SMYD3: variants seen among roughly 807,000 people sequenced by gnomAD.
SMYD3 encodes SET and MYND domain containing 3, also known as histone-lysine N-methyltransferase SMYD3.
In SMYD3, 36 loss-of-function variants were observed where a neutral mutation model predicts 57.7. The observed-to-expected ratio is 0.62, with a 90% CI of 0.48 to 0.82. The LOEUF (loss-of-function observed/expected upper bound fraction) is 0.82. Among genes scored for constraint, SMYD3 ranks in the 40% least tolerant of loss-of-function variants. SMYD3 has a pLI of 0.00. For missense variants in SMYD3, 515 were observed against 538.8 expected, an observed-to-expected ratio of 0.96 and a Z score of 0.44; for synonymous variants, 211 against 195.0, an observed-to-expected ratio of 1.08 and a Z score of -0.68.
intron 1 of SMYD3, among the ~76,000 whole-genome samples, chr1:246,361,345 G>T (rs892267885): frequency 2.0e-5 from 3 of 152,158 alleles, no homozygotes; most frequent in Admixed American, 6.5e-5. Flanking sequence ...TTACACTGTT[G>T]GTGGGAATGT....
intron 5 of SMYD3, among the ~76,000 whole-genome samples, chr1:246,324,416 CAAAAAAAAAAAA>C (rs897518368): frequency 7.0e-5 from 3 of 42,620 alleles, no homozygotes; most frequent in Admixed American, 2.6e-4. Context: ...AACTCCATCT[CAAAAAAAAAAAA>C]AAAAAAAAAA....
intron 5 of SMYD3, among the ~76,000 whole-genome samples, chr1:246,129,761 T>A (rs977011857): frequency 1.3e-5 from 2 of 152,188 alleles, no homozygotes; most frequent in African/African-American, 4.8e-5. Flanking sequence ...TTGAGAAAGT[T>A]CTGAACACAT....
chr1:246,008,609 AG>A (rs1468307441), intron 5 of SMYD3, among the ~76,000 whole-genome samples: 1 of 152,226 alleles, frequency 6.6e-6, no homozygotes, highest in Non-Finnish European at 1.5e-5. Flanking sequence ...CTTGGGGAGT[AG>A]CCGTACCTCT....
intron 5 of SMYD3, among the ~76,000 whole-genome samples, chr1:246,074,544 AC>A (rs1413086172): frequency 6.6e-6 from 1 of 152,220 alleles, no homozygotes; most frequent in African/African-American, 2.4e-5. Context: ...GCAGACAGAA[AC>A]TGGAAGGGAG....
At chr1:246,277,744 A>G (rs76285151) in intron 5 of SMYD3, among the ~76,000 whole-genome samples, 3,783 of 152,322 alleles carry the variant, frequency 0.025, 156 homozygotes, top group African/African-American at 0.086. Flanking sequence ...CCTCAGAATC[A>G]TTATGCTAAG....
chr1:245,926,319 G>A (rs1039684028), intron 7 of SMYD3, among the ~76,000 whole-genome samples: 29 of 152,242 alleles, frequency 1.9e-4, no homozygotes, highest in African/African-American at 6.5e-4. Context: ...GGACAGAAAC[G>A]ATGATGAATC....
intron 1 of SMYD3, among the ~76,000 whole-genome samples, chr1:246,409,448 C>G (rs2066924943): frequency 6.6e-6 from 1 of 152,186 alleles, no homozygotes; most frequent in East Asian, 1.9e-4. Context: ...TTCCCCATTT[C>G]TTCTTTTTGT....
At chr1:246,354,268 G>A (rs1487378991) in intron 2 of SMYD3, among the ~76,000 whole-genome samples, 1 of 152,104 alleles carries the variant, frequency 6.6e-6, no homozygotes, top group Non-Finnish European at 1.5e-5. Context: ...AGAAGAAAAG[G>A]TCATGCTGAA....
chr1:246,007,692 C>T (rs1261694092), intron 5 of SMYD3, among the ~76,000 whole-genome samples: 1 of 151,684 alleles, frequency 6.6e-6, no homozygotes, highest in Non-Finnish European at 1.5e-5. Context: ...TGCCATATGC[C>T]TGTAGTCCCA....
intron 5 of SMYD3, among the ~76,000 whole-genome samples, chr1:246,084,529 T>C (rs1443012380): frequency 1.3e-5 from 2 of 152,144 alleles, no homozygotes; most frequent in Non-Finnish European, 2.9e-5. Context: ...GATCTTACAA[T>C]CTTATTCTAG....
chr1:246,332,193 C>T (rs2065472376), intron 3 of SMYD3, among the ~76,000 whole-genome samples: 1 of 152,136 alleles, frequency 6.6e-6, no homozygotes, highest in Admixed American at 6.5e-5. Context: ...ATAAGTCAGG[C>T]CTCTTGCACC....
At chr1:246,369,340 A>G (rs1330524256) in intron 1 of SMYD3, among the ~76,000 whole-genome samples, 2 of 152,178 alleles carry the variant, frequency 1.3e-5, no homozygotes, top group African/African-American at 4.8e-5. Context: ...AGAATTTTAT[A>G]AACCTTTGAA....
At position 246,337,940 on chromosome 1, in the gene SMYD3, T is replaced by C. The variant is rs115151839; in HGVS notation, c.229-2466A>G. ...TTTGGAAAATTCCTGTTAAAACAACTTTAGGTCCTTAACATAATTGATATA... is the reference window on the plus strand; with the variant it reads ...TTTGGAAAATTCCTGTTAAAACAACCTTAGGTCCTTAACATAATTGATATA... On this transcript the variant is annotated intron_variant, in intron 2 of 11. Transcript: ENST00000490107. Among the ~76,000 whole-genome samples, 1,254 of 146,216 alleles carry C rather than the reference T, an allele frequency of 8.6e-3. 19 individuals carry two copies. Among genetic ancestry groups the C allele is most frequent in the African/African-American group, 0.03 (1,162 of 39,062 alleles).
chr1:246,319,077 T>C (rs2065207962), intron 5 of SMYD3, among the ~76,000 whole-genome samples: 1 of 152,220 alleles, frequency 6.6e-6, no homozygotes, highest in African/African-American at 2.4e-5. Context: ...TAGAGAAATA[T>C]TTCTGAGAAT....
chr1:245,923,761 A>T (rs1024758978), intron 7 of SMYD3, among the ~76,000 whole-genome samples: 9 of 152,136 alleles, frequency 5.9e-5, no homozygotes, highest in African/African-American at 2.2e-4. Flanking sequence ...CATTTACACC[A>T]CTGTGCATCT....
intron 1 of SMYD3, among the ~76,000 whole-genome samples, chr1:246,358,169 T>C (rs1027334843): frequency 2.0e-5 from 3 of 151,990 alleles, no homozygotes; most frequent in African/African-American, 4.8e-5. Context: ...GTAGCTATTC[T>C]TATAGACAAA....
chr1:246,340,094 A>T (rs1332153657), intron 2 of SMYD3, among the ~76,000 whole-genome samples: 2 of 152,166 alleles, frequency 1.3e-5, no homozygotes, highest in African/African-American at 2.4e-5. Flanking sequence ...GTCGTTATAT[A>T]TACTAAATAG....
rs570549580 is a variant in SMYD3, at chr1:246,101,567, A to C, written c.532-171630T>G. ...GCTCATAACTGTCTTTTAATACTTT[A>C]AAAAATATGGCTTATGTAAATTTTA... On this transcript the variant is annotated intron_variant, in intron 5 of 11. Transcript: ENST00000490107. Among the ~76,000 whole-genome samples the C allele has an allele frequency of 4.9e-4, 74 of 152,332 alleles. 1 individual carries two copies. Among genetic ancestry groups the C allele is most frequent in the Admixed American group, 3.2e-3 (49 of 15,304 alleles).
chr1:245,827,295 T>C (rs538491543), intron 10 of SMYD3, among the ~76,000 whole-genome samples: 6 of 152,204 alleles, frequency 3.9e-5, no homozygotes, highest in Admixed American at 1.3e-4. Flanking sequence ...CAGTGAGCCT[T>C]AGAGATGATC....
Sources: gnomAD v4.1 joint callset for allele counts (sites outside exome capture counted in the v4.1 genomes callset) on GRCh38, gnomAD v4.1.1 for gene constraint, MANE v1.5 for transcripts, NCBI Gene and HGNC (gene_info 2026-07-23, HGNC 2026-07-21) for gene names.